The following ZNF557 variants were observed in gnomAD, a reference collection of about 807,000 sequenced individuals.
The protein encoded by ZNF557 is zinc finger protein 557.
ZNF557 carries 19 observed loss-of-function variants against 21.2 expected under a neutral mutation model. The observed-to-expected ratio is 0.90, with a 90% CI of 0.63 to 1.32. The LOEUF is 1.32. Ranked by LOEUF, ZNF557 falls within the 40% of genes most tolerant of loss-of-function variation. ZNF557 has a pLI of 0.00. For synonymous variants in ZNF557, 207 were observed against 194.8 expected (o/e 1.06, Z -0.52); for missense variants, 487 against 519.8 (o/e 0.94, Z 0.61).
chr19:7,079,362 C>G lies in ZNF557; in HGVS notation c.248-1998C>G, dbSNP rs1380874434. Among the ~76,000 whole-genome samples the G allele has an allele frequency of 5.9e-5, 9 of 151,588 alleles. No homozygotes were observed. The East Asian group carries it at 1.6e-3, about 26-fold the overall frequency. The stretch of plus-strand genomic sequence containing the variant: ...GTTCACGCCATTCTCCTGCCTCAGC[C>G]TCCCGAGTAGCTGGGACTACAGGCG... On this transcript the variant is annotated intron_variant, in intron 5 of 7. Coordinates refer to ENST00000252840, the MANE Select transcript of ZNF557 (RefSeq NM_024341.3).
intron 2 of ZNF557, among the ~76,000 whole-genome samples, chr19:7,074,329 T>C (rs1329806683): frequency 2.4e-4 from 36 of 147,074 alleles, no homozygotes; most frequent in African/African-American, 7.8e-4. Flanking sequence ...TTTGTGTGTA[T>C]ATACACACAC....
chr19:7,076,503 A>C lies in ZNF557; in HGVS notation c.243A>C (p.Ser81=). 1 of 1,614,034 alleles carries C rather than the reference A, an allele frequency of 6.2e-7. No homozygotes were observed. The highest frequency in any genetic ancestry group is 8.5e-7 in the Non-Finnish European group (1 of 1,179,938). ...TGGAGAACTGCAGGAACCTGGCCTC[A>C]CTGGGTAAGCCTAATGTCATTCCTG... ...VMLENCRNLA[S]LGNQVDKPRL... is the part of the protein sequence containing the mutation. Residue 81 remains serine, a synonymous_variant, in exon 5 of 8, where the codon TCA becomes TCC. Coordinates refer to ENST00000252840, the MANE Select transcript of ZNF557 (RefSeq NM_024341.3).
rs1977813795 is a variant in ZNF557 at position 7,085,338 on chromosome 19, A to G, written c.*1594A>G. The G allele has an allele frequency of 6.6e-6, 1 of 151,998 alleles. No homozygotes were observed. Among genetic ancestry groups the G allele is most frequent in the African/African-American group, 2.4e-5 (1 of 41,366 alleles). The allele number at this position is 151,998 out of a possible 1,614,324, so 9.4% of individuals were successfully genotyped here. A position where few individuals can be genotyped will look rare whatever the true frequency, so the allele number is the denominator to read the frequency against. On this transcript the variant is annotated 3_prime_UTR_variant, in exon 8 of 8. Coordinates refer to ENST00000252840, the MANE Select transcript of ZNF557 (RefSeq NM_024341.3). ...TAGGCATGCACCACCATGCCTGTCT[A>G]GTTTTTGTAAAGATGGGGATTCACC...
rs1374027900 is a variant in ZNF557 at position 7,087,887 on chromosome 19, T to C, written c.*4143T>C. On this transcript the variant is annotated 3_prime_UTR_variant, in exon 8 of 8. Transcript: ENST00000252840. The stretch of plus-strand genomic sequence containing the variant: ...TACGTACTCAAACTGTGTTTTTCAA[T>C]TTGTACTGTATTTGTTTCTCTCGAC... The C allele has an allele frequency of 1.3e-5, 2 of 152,186 alleles. No homozygotes were observed. The highest frequency in any genetic ancestry group is 2.9e-5 in the Non-Finnish European group (2 of 68,044). 9.4% of individuals were successfully genotyped at this position (152,186 alleles called of 1,614,324 possible). A position where few individuals can be genotyped will look rare whatever the true frequency, so the allele number is the denominator to read the frequency against.
At chr19:7,071,247 T>A (rs1977450772) in intron 2 of ZNF557, among the ~76,000 whole-genome samples, 2 of 152,354 alleles carry the variant, frequency 1.3e-5, no homozygotes, top group South Asian at 4.1e-4. Flanking sequence ...TCTTTTATTT[T>A]TTTCTTTTCC....
Position 7,083,311 on chromosome 19 carries a change from C to A in ZNF557, c.860C>A (p.Thr287Lys), listed in dbSNP as rs200539541. 20 of 1,614,112 alleles carry A rather than the reference C, an allele frequency of 1.2e-5. No individual in the cohort carries two copies. The highest frequency in any genetic ancestry group is 1.1e-4 in the South Asian group (10 of 91,084). Reference sequence around the variant, plus strand: ...TTCACAAGGCACAAGAGAGTTCATACGGGGGAGGGTCATTATGTATGTAAT... The same window carrying A: ...TTCACAAGGCACAAGAGAGTTCATAAGGGGGAGGGTCATTATGTATGTAAT... ...SIFTRHKRVH[T>K]GEGHYVCNQC... Residue 287 changes from threonine (T) to lysine (K), a missense_variant, in exon 8 of 8, where the codon ACG becomes AAG. By Grantham distance (78) the Thr-to-Lys change is moderately conservative. Coordinates refer to ENST00000252840, the MANE Select transcript of ZNF557 (RefSeq NM_024341.3).
At chr19:7,081,034 C>T (rs1052375938) in intron 5 of ZNF557, among the ~76,000 whole-genome samples, 2 of 152,036 alleles carry the variant, frequency 1.3e-5, no homozygotes, top group African/African-American at 4.8e-5. Flanking sequence ...CTCCTTCTTT[C>T]CCTGACTATA....
At chr19:7,073,059 T>G (rs1432295363) in intron 2 of ZNF557, among the ~76,000 whole-genome samples, 1 of 152,142 alleles carries the variant, frequency 6.6e-6, no homozygotes, top group Admixed American at 6.5e-5. Context: ...CTCTACCGTT[T>G]GTGCAACACA....
intron 7 of ZNF557, among the ~76,000 whole-genome samples, chr19:7,082,421 C>CA (rs10641888): frequency 0.12 from 12,812 of 108,346 alleles, 1,222 homozygotes; most frequent in Non-Finnish European, 0.13. Context: ...GACTCTGTCT[C>CA]AAAAAAAAAA....
chr19:7,071,643 A>G (rs1977459772), intron 2 of ZNF557, among the ~76,000 whole-genome samples: 1 of 152,128 alleles, frequency 6.6e-6, no homozygotes, highest in South Asian at 2.1e-4. Flanking sequence ...CAGGAGTTCA[A>G]GACCAGCCTG....
rs1977784031 is a variant in ZNF557, at chr19:7,084,193, A to G, written c.*449A>G. ...GAAAGCATAATGTCTTTTATGACCT[A>G]GCTTCAGTGAGATATGTTTTCATGT... is the stretch of plus-strand genomic sequence containing the variant. On this transcript the variant is annotated 3_prime_UTR_variant, in exon 8 of 8. Transcript: ENST00000252840. 5.9e-6 allele frequency: 1 copy of G among 169,780 alleles called. No homozygotes were observed. Among genetic ancestry groups the G allele is most frequent in the African/African-American group, 2.4e-5 (1 of 41,560 alleles). The allele number at this position is 169,780 out of a possible 1,614,324, so 10.5% of individuals were successfully genotyped here. A position where few individuals can be genotyped will look rare whatever the true frequency, so the allele number is the denominator to read the frequency against.
At chr19:7,077,172 G>T (rs1977603167) in intron 5 of ZNF557, among the ~76,000 whole-genome samples, 1 of 96,766 alleles carries the variant, frequency 1.0e-5, no homozygotes, top group East Asian at 3.4e-4. Context: ...GTTTCACTCT[G>T]TTACCCAGGC....
chr19:7,082,265 A>G (rs1007469164), intron 7 of ZNF557, among the ~76,000 whole-genome samples: 27 of 149,062 alleles, frequency 1.8e-4, no homozygotes, highest in Non-Finnish European at 3.2e-4. Flanking sequence ...CTAAAAATAC[A>G]AAAAAAACTT....
intron 5 of ZNF557, among the ~76,000 whole-genome samples, chr19:7,077,053 C>A (rs1188532045): frequency 1.4e-5 from 2 of 148,134 alleles, no homozygotes; most frequent in Non-Finnish European, 3.0e-5. Flanking sequence ...TGGCCCAATT[C>A]TTGACATTTT....
intron 1 of ZNF557, among the ~76,000 whole-genome samples, chr19:7,069,997 G>A (rs566279419): frequency 1.7e-4 from 26 of 152,234 alleles, no homozygotes; most frequent in Non-Finnish European, 3.2e-4. Context: ...GCTATAGTTG[G>A]AGACGGTTTG....
intron 5 of ZNF557, among the ~76,000 whole-genome samples, chr19:7,079,343 G>A (rs1055619077): frequency 6.8e-6 from 1 of 147,488 alleles, no homozygotes; most frequent in Admixed American, 7.0e-5. Flanking sequence ...CCAGGTTCAC[G>A]CCATTCTCCT....
Position 7,076,956 on chromosome 19 carries a change from C to G in ZNF557, c.247+449C>G, listed in dbSNP as rs888788755. Among the ~76,000 whole-genome samples the G allele has an allele frequency of 2.0e-5, 3 of 151,874 alleles. No individual in the cohort carries two copies. The South Asian group carries it at 6.2e-4, about 32-fold the overall frequency. ...AGAGACAGGGTCTTGCTATGTTGCC[C>G]TGGCTGGTCTCAAACTCTTGGGCTC... On this transcript the variant is annotated intron_variant, in intron 5 of 7. Coordinates refer to ENST00000252840, the MANE Select transcript of ZNF557 (RefSeq NM_024341.3).
In ZNF557 at chr19:7,084,078, C is replaced by T; in HGVS notation, c.*334C>T. On this transcript the variant is annotated 3_prime_UTR_variant, in exon 8 of 8. Transcript: ENST00000252840. ...GCTAGCTGTTTCCAAGGGAGCTGCG[C>T]TTCCAAATCACGTAGGCCTCTCAAC... The T allele has an allele frequency of 4.3e-6, 1 of 231,380 alleles. No individual in the cohort carries two copies. Among genetic ancestry groups the T allele is most frequent in the Admixed American group, 5.2e-5 (1 of 19,350 alleles). The allele number at this position is 231,380 out of a possible 1,614,324, so 14.3% of individuals were successfully genotyped here.
intron 5 of ZNF557, 41 bp from the exon 6 acceptor site, chr19:7,081,319 G>A (rs1977699999): frequency 2.2e-6 from 3 of 1,386,098 alleles, no homozygotes; most frequent in Non-Finnish European, 3.1e-6. Context: ...CTTGTCTGCT[G>A]CACAGTCCCC....
Sources: allele counts gnomAD v4.1 joint callset (sites outside exome capture counted in the v4.1 genomes callset), GRCh38; gene constraint gnomAD v4.1.1; transcripts MANE v1.5; gene names NCBI Gene and HGNC (gene_info 2026-07-23, HGNC 2026-07-21).